The following DOK7 variants were observed in gnomAD, a reference collection of about 807,000 sequenced individuals.
DOK7 encodes protein Dok-7.
A neutral mutation model predicts 30.7 loss-of-function variants in DOK7; 32 were observed. That is an observed-to-expected ratio of 1.04 (90% CI 0.79 to 1.40). The LOEUF (loss-of-function observed/expected upper bound fraction) is 1.40. Ranked by LOEUF, DOK7 falls within the 40% of genes most tolerant of loss-of-function variation. The pLI is 0.00. For synonymous variants in DOK7, 447 were observed against 324.1 expected (o/e 1.38, Z -4.07); for missense variants, 1,007 against 699.2 (o/e 1.44, Z -4.97).
intron 4 of DOK7, among the ~76,000 whole-genome samples, chr4:3,478,738 A>T (rs1727270235): frequency 6.6e-6 from 1 of 152,210 alleles, no homozygotes; most frequent in Non-Finnish European, 1.5e-5. Context: ...TCTGGAGGCC[A>T]GGCTGGAAGG....
At position 3,494,197 on chromosome 4, in the gene DOK7, GC is replaced by G; in HGVS notation, c.*700del. The stretch of plus-strand genomic sequence containing the variant: ...CACTGGGAGAGGCGCCGTGCCTCGG[GC>G]CCCTGGTGGGAGCTCTGCTGGCTCC... On this transcript the variant is annotated 3_prime_UTR_variant, in exon 7 of 7. Coordinates refer to ENST00000340083, the MANE Select transcript of DOK7 (RefSeq NM_173660.5). 1 of 985,532 alleles carries G rather than the reference GC, an allele frequency of 1.0e-6. No individual in the cohort carries two copies. The highest frequency in any genetic ancestry group is 1.7e-5 in the African/African-American group (1 of 57,382). 61.0% of individuals were successfully genotyped at this position (985,532 alleles called of 1,614,324 possible).
chr4:3,476,675 A>G, intron 4 of DOK7, 133 bp downstream of exon 4: 1 of 1,179,414 alleles, frequency 8.5e-7, no homozygotes, highest in Non-Finnish European at 1.2e-6. Flanking sequence ...CGGCAGGTGG[A>G]CGGAGTCTCC....
At chr4:3,500,062 G>A (rs1191553755) in intron 6 of DOK7, among the ~76,000 whole-genome samples, 2 of 151,994 alleles carry the variant, frequency 1.3e-5, no homozygotes, top group South Asian at 4.2e-4. Flanking sequence ...GTGTGGGGGG[G>A]GCCTCAGGAT....
intron 6 of DOK7, among the ~76,000 whole-genome samples, chr4:3,491,999 C>T (rs536703921): frequency 2.2e-4 from 33 of 152,332 alleles, no homozygotes; most frequent in African/African-American, 7.5e-4. Flanking sequence ...CCTGCCCTGC[C>T]CCAGGAGGAG....
intron 5 of DOK7, among the ~76,000 whole-genome samples, chr4:3,486,034 G>A (rs987048617): frequency 2.6e-5 from 4 of 152,224 alleles, no homozygotes; most frequent in Non-Finnish European, 2.9e-5. Context: ...GCCCGAGCTC[G>A]GTGGCCCGGG....
intron 2 of DOK7, among the ~76,000 whole-genome samples, chr4:3,473,166 G>C (rs1317958401): frequency 2.0e-5 from 3 of 152,260 alleles, no homozygotes; most frequent in African/African-American, 7.2e-5. Flanking sequence ...CCAGCGTCGG[G>C]GGCTGGGCAC....
chr4:3,468,628 G>A (rs1726497027), intron 2 of DOK7, among the ~76,000 whole-genome samples: 1 of 150,800 alleles, frequency 6.6e-6, no homozygotes, highest in Non-Finnish European at 1.5e-5. Context: ...GTGTGTGCGT[G>A]TGTATATGCC....
chr4:3,490,283 CTCAT>C (rs1315642099), intron 6 of DOK7, among the ~76,000 whole-genome samples: 1 of 99,896 alleles, frequency 1.0e-5, no homozygotes, highest in African/African-American at 3.9e-5. Context: ...CCCCACCTTG[CTCAT>C]TCATTTCTTC....
rs2105849 is a variant in DOK7 at position 3,494,478 on chromosome 4, C to T, written c.*977C>T. 0.69 allele frequency: 675,309 copies of T among 985,328 alleles called. 232,508 individuals are homozygous for T. The highest frequency in any genetic ancestry group is 0.92 in the East Asian group (8,140 of 8,818). The allele number at this position is 985,328 out of a possible 1,614,324, so 61.0% of individuals were successfully genotyped here. A position where few individuals can be genotyped will look rare whatever the true frequency, so the allele number is the denominator to read the frequency against. On this transcript the variant is annotated 3_prime_UTR_variant, in exon 7 of 7. Coordinates refer to ENST00000340083, the MANE Select transcript of DOK7 (RefSeq NM_173660.5). The stretch of plus-strand genomic sequence containing the variant: ...ATAGACTGGAAATAAAATGTTCTTT[C>T]CTTACCACCTTGTCCTAGTCCGTTG...
At chr4:3,498,381 C>T (rs142757088), downstream of DOK7, among the ~76,000 whole-genome samples, 2 of 152,246 alleles carry the variant, frequency 1.3e-5, no homozygotes, top group Non-Finnish European at 2.9e-5. Flanking sequence ...ACATTCGTCC[C>T]CTTTCCCTGC....
rs770022480 is a variant in DOK7 at position 3,468,826 on chromosome 4, A to AGT, written c.101-4570_101-4569dup. 1.6e-3 allele frequency among the ~76,000 whole-genome samples: 173 copies of AGT among 110,408 alleles called. 5 individuals are homozygous for AGT. Among genetic ancestry groups the AGT allele is most frequent in the East Asian group, 6.2e-3 (22 of 3,530 alleles). The allele number at this position is 110,408 out of a possible 152,430, so 72.4% of individuals were successfully genotyped here. On this transcript the variant is annotated intron_variant, in intron 2 of 6. Coordinates refer to ENST00000340083, the MANE Select transcript of DOK7 (RefSeq NM_173660.5). Reference sequence around the variant, plus strand: ...TGTGTGCCTGTGTGTGTATGCATGGAGTGTGTGTGTGCGTGTATGTGTGTG... The same window carrying AGT: ...TGTGTGCCTGTGTGTGTATGCATGGAGTGTGTGTGTGTGCGTGTATGTGTGTG...
chr4:3,492,589 G>T (rs1024058350), intron 6 of DOK7, among the ~76,000 whole-genome samples, 170 bp from the exon 7 acceptor site: 1 of 152,124 alleles, frequency 6.6e-6, no homozygotes, highest in Non-Finnish European at 1.5e-5. Flanking sequence ...GGGGTAGAGG[G>T]GTTGTTGTTG....
intron 4 of DOK7, among the ~76,000 whole-genome samples, chr4:3,477,259 G>A (rs967891714): frequency 6.6e-6 from 1 of 152,254 alleles, no homozygotes; most frequent in Non-Finnish European, 1.5e-5. Flanking sequence ...AGGGTGTGAC[G>A]CCTCCTCTCT....
Position 3,493,226 on chromosome 4 carries a change from G to C in DOK7, c.1240G>C (p.Ala414Pro). Reference protein sequence around the residue: ...HYDTPRSLCLAPRDHSPPSQG... With the variant: ...HYDTPRSLCLPPRDHSPPSQG... ...TGACACACCACGCAGCCTTTGCCTG[G>C]CTCCTAGAGACCACAGCCCCCCCTC... The change falls in exon 7 of 7, where the codon GCT (alanine) becomes CCT (proline). Residue 414 changes from alanine (A) to proline (P), a missense_variant. Ala to Pro is a conservative substitution (Grantham distance 27). Transcript: ENST00000340083. 1 of 1,612,040 alleles carries C rather than the reference G, an allele frequency of 6.2e-7. No homozygotes were observed. Among genetic ancestry groups the C allele is most frequent in the Middle Eastern group, 1.7e-4 (1 of 6,060 alleles).
intron 5 of DOK7, among the ~76,000 whole-genome samples, chr4:3,486,634 G>C (rs188726025): frequency 1.3e-5 from 2 of 152,168 alleles, no homozygotes; most frequent in African/African-American, 2.4e-5. Flanking sequence ...CGCCCTCCCC[G>C]CTGCCCTGCC....
exon 8 of DOK7, chr4:3,501,093 C>A: frequency 2.0e-6 from 1 of 512,444 alleles, no homozygotes; most frequent in Non-Finnish European, 3.4e-6. Flanking sequence ...TGCTTCCAGG[C>A]ATCAGGCAGC....
intron 6 of DOK7, among the ~76,000 whole-genome samples, chr4:3,490,503 CTGCTCATTCTTT>C (rs1728255913): frequency 7.9e-6 from 1 of 126,650 alleles, no homozygotes; most frequent in Non-Finnish European, 1.7e-5. Flanking sequence ...CCTTTTCCCC[CTGCTCATTCTTT>C]CCTTCACCCC....
chr4:3,500,538 G>A (rs1227138272), intron 7 of DOK7: 13 of 1,475,606 alleles, frequency 8.8e-6, no homozygotes, highest in Non-Finnish European at 4.5e-6. Flanking sequence ...GGAGGCAAAT[G>A]TCCCCAACTC....
chr4:3,499,202 C>T (rs1163349538), downstream of DOK7, among the ~76,000 whole-genome samples: 1 of 152,182 alleles, frequency 6.6e-6, no homozygotes, highest in Non-Finnish European at 1.5e-5. Context: ...GCAGGTGTTT[C>T]AGGGAGGCCG....
Sources: gnomAD v4.1 joint callset for allele counts (sites outside exome capture counted in the v4.1 genomes callset) on GRCh38, gnomAD v4.1.1 for gene constraint, MANE v1.5 for transcripts, NCBI Gene and HGNC (gene_info 2026-07-23, HGNC 2026-07-21) for gene names.